The following TMEM94 variants were observed in gnomAD, a reference collection of about 807,000 sequenced individuals.
TMEM94 encodes the protein ER Mg2+ ATPase.
Under a neutral mutation model 158.6 loss-of-function variants are expected in TMEM94, and 81 were observed. The ratio of observed to expected loss-of-function variants is 0.51; its 90% CI spans 0.43 to 0.61. The LOEUF (loss-of-function observed/expected upper bound fraction) is 0.61, where lower values mean the gene tolerates loss of function less well. Ranked by LOEUF, TMEM94 falls within the 20% of genes least tolerant of loss-of-function variation. The pLI is 0.00. For missense variants in TMEM94, 1,435 were observed against 1,762.0 expected (o/e 0.81, Z 3.32); for synonymous variants, 751 against 730.7 (o/e 1.03, Z -0.45).
At position 75,491,616 on chromosome 17, in the gene TMEM94, G is replaced by A; in HGVS notation, c.1387-75G>A. The A allele has an allele frequency of 1.3e-6, 2 of 1,562,528 alleles. No individual in the cohort carries two copies. Among genetic ancestry groups the A allele is most frequent in the South Asian group, 1.1e-5 (1 of 87,144 alleles). On this transcript the variant is annotated intron_variant, in intron 13 of 31. Transcript: ENST00000314256. This position sits in a 1 kb window ranked among gnomAD's most constrained non-coding sequence, Gnocchi z 5.1. ...AGGTGAGGTGAAGACAAGGCAGCCA[G>A]GGGACCTAGAAGCATCCTGCCTCCC...
intron 1 of TMEM94, among the ~76,000 whole-genome samples, chr17:75,461,093 CTTTTTTTTTTTTTT>C (rs59878082): frequency 1.4e-5 from 1 of 69,636 alleles, no homozygotes; most frequent in South Asian, 6.9e-4. Context: ...TTGCGATTGG[CTTTTTTTTTTTTTT>C]TTTTTTTTTG....
rs769447441 is a variant in TMEM94 at position 75,485,517 on chromosome 17, C to G, written c.114C>G (p.Leu38=). ...TGGAGGCAGTGCTGGAAGGACATCT[C>G]AGGGAGCGGAAGAAGTGTCTGACGT... is the stretch of plus-strand genomic sequence containing the variant. ...EQLEAVLEGH[L]RERKKCLTWK... The change falls in exon 3 of 32, where the codon CTC becomes CTG. Residue 38 remains leucine (L), a synonymous_variant. Transcript: ENST00000314256. The surrounding 1 kb of genome is among the most constrained non-coding windows in gnomAD (Gnocchi z 5.5). 1 of 1,614,176 alleles carries G rather than the reference C, an allele frequency of 6.2e-7. No homozygotes were observed. The highest frequency in any genetic ancestry group is 8.5e-7 in the Non-Finnish European group (1 of 1,180,018).
intron 1 of TMEM94, among the ~76,000 whole-genome samples, chr17:75,462,018 T>TTC (rs2050096205): frequency 7.8e-6 from 1 of 128,934 alleles, no homozygotes; most frequent in East Asian, 2.1e-4. Flanking sequence ...TTTGTTTTTT[T>TTC]TTTTTTTGAG....
intron 1 of TMEM94, among the ~76,000 whole-genome samples, chr17:75,465,679 A>ATATATATATATATATATATTTTTT (rs1247855961): frequency 2.4e-5 from 3 of 124,816 alleles, no homozygotes; most frequent in African/African-American, 3.5e-5. Flanking sequence ...ATATATATAT[A>ATATATATATATATATATATTTTTT]TTTTTTTTTA....
rs923662901 is a variant in TMEM94 at position 75,495,789 on chromosome 17, T to C, written c.2944+146T>C. ...CTGGGCTGGGATCAGCTGGGGAATC[T>C]TGTGGGTTGGAGTCAGAAGTGCCGA... On this transcript the variant is annotated intron_variant, in intron 22 of 31. Transcript: ENST00000314256. This position sits in a 1 kb window ranked among gnomAD's most constrained non-coding sequence, Gnocchi z 5.6. 2.6e-5 allele frequency: 23 copies of C among 883,842 alleles called. No homozygotes were observed. In the African/African-American group the frequency reaches 3.5e-4, roughly 14 times the overall value. The allele number at this position is 883,842 out of a possible 1,614,324, so 54.7% of individuals were successfully genotyped here.
Position 75,490,366 on chromosome 17 carries a change from G to T in TMEM94, c.1071+16G>T, listed in dbSNP as rs1317424872. 5.0e-6 allele frequency: 8 copies of T among 1,609,024 alleles called. No homozygotes were observed. In the African/African-American group the frequency reaches 9.4e-5, roughly 19 times the overall value. On this transcript the variant is annotated intron_variant, in intron 10 of 31. Transcript: ENST00000314256. The stretch of plus-strand genomic sequence containing the variant: ...CAGCTCCCTGGTAGGTTTTTCCAAG[G>T]TGTCTGGGGGAAGTCACAGGAACAA...
Position 75,487,878 on chromosome 17 carries a change from T to G in TMEM94, c.410-54T>G, listed in dbSNP as rs1489724034. 6.7e-7 allele frequency: 1 copy of G among 1,488,552 alleles called. No individual in the cohort carries two copies. The highest frequency in any genetic ancestry group is 9.3e-7 in the Non-Finnish European group (1 of 1,071,314). 92.2% of individuals were successfully genotyped at this position (1,488,552 alleles called of 1,614,324 possible). ...TTCCGGAAGTGCTGCTGTATCTGAC[T>G]GGGGGGCAGGGCCGTGGCTGAGAGG... On this transcript the variant is annotated intron_variant, in intron 5 of 31. Transcript: ENST00000314256. This position sits in a 1 kb window ranked among gnomAD's most constrained non-coding sequence, Gnocchi z 4.6.
Position 75,492,757 on chromosome 17 carries a change from C to T in TMEM94, c.1880C>T (p.Pro627Leu), listed in dbSNP as rs749748866. The change falls in exon 15 of 32, where the codon CCC (proline) becomes CTC (leucine). Residue 627 changes from proline to leucine, a missense_variant. This residue lies in a region of TMEM94 where 1,051 missense variants were observed against 1,254.4 expected (regional missense o/e 0.84). Transcript: ENST00000314256. The surrounding 1 kb of genome is among the most constrained non-coding windows in gnomAD (Gnocchi z 4.4). Reference protein sequence around the residue: ...SHSAVLPVHVPWGLCELARLI... With the variant: ...SHSAVLPVHVLWGLCELARLI... ...AGCGCCGTGCTGCCCGTCCATGTGC[C>T]CTGGGGCCTCTGCGAGCTTGCCCGC... The T allele has an allele frequency of 6.2e-7, 1 of 1,608,494 alleles. No homozygotes were observed. The highest frequency in any genetic ancestry group is 8.5e-7 in the Non-Finnish European group (1 of 1,179,736).
chr17:75,490,447 G>C, intron 10 of TMEM94, 97 bp downstream of exon 10: 1 of 1,404,642 alleles, frequency 7.1e-7, no homozygotes, highest in Non-Finnish European at 9.7e-7. Flanking sequence ...CCCACCTTGG[G>C]CTCGGCATGT....
chr17:75,492,619 C>T lies in TMEM94; in HGVS notation c.1742C>T (p.Ser581Phe), dbSNP rs527931487. ...DDSNWQLHLT[S>F]LKPLGLNVLL... is the part of the protein sequence containing the mutation. ...TCCAACTGGCAGCTGCACCTCACCT[C>T]CCTCAAACCCCTGGGCCTCAATGTG... Residue 581 changes from serine (S) to phenylalanine (F), a missense_variant, in exon 15 of 32, where the codon TCC becomes TTC. By Grantham distance (155) the Ser-to-Phe change is radical. Transcript: ENST00000314256. This position sits in a 1 kb window ranked among gnomAD's most constrained non-coding sequence, Gnocchi z 4.4. 3 of 1,614,096 alleles carry T rather than the reference C, an allele frequency of 1.9e-6. No individual in the cohort carries two copies. The highest frequency in any genetic ancestry group is 2.5e-6 in the Non-Finnish European group (3 of 1,180,018).
rs1281403829 is a variant in TMEM94, at chr17:75,493,482, C to T, written c.2087-9C>T. The T allele has an allele frequency of 1.2e-6, 2 of 1,613,358 alleles. No individual in the cohort carries two copies. The highest frequency in any genetic ancestry group is 1.7e-5 in the Admixed American group (1 of 60,028). ...TAGCGACACTCAGGGTTTGAACTCT[C>T]TCCCCCAGGCACAGAGCAGATGCTG... On this transcript the variant is annotated splice_polypyrimidine_tract_variant and intron_variant, in intron 16 of 31. Coordinates refer to ENST00000314256, the MANE Select transcript of TMEM94 (RefSeq NM_014738.6).
intron 1 of TMEM94, among the ~76,000 whole-genome samples, chr17:75,470,692 G>A (rs910943366): frequency 2.7e-5 from 4 of 150,874 alleles, no homozygotes; most frequent in African/African-American, 4.9e-5. Flanking sequence ...GCGACAGAGC[G>A]AGACTCTGTC....
intron 18 of TMEM94, among the ~76,000 whole-genome samples, chr17:75,494,144 G>T (rs769510249): frequency 6.6e-6 from 1 of 152,204 alleles, no homozygotes; most frequent in Non-Finnish European, 1.5e-5. Context: ...TCACTGGTTG[G>T]TTGTGATGCT....
intron 1 of TMEM94, among the ~76,000 whole-genome samples, chr17:75,457,055 C>T (rs994257001): frequency 6.6e-6 from 1 of 152,188 alleles, no homozygotes; most frequent in Non-Finnish European, 1.5e-5. Flanking sequence ...TCTGTCGTGC[C>T]TAGGCCCTGG....
chr17:75,497,139 G>T lies in TMEM94; in HGVS notation c.3348G>T (p.Pro1116=). The T allele has an allele frequency of 1.2e-6, 2 of 1,613,984 alleles. No individual in the cohort carries two copies. Among genetic ancestry groups the T allele is most frequent in the Non-Finnish European group, 1.7e-6 (2 of 1,179,982 alleles). Residue 1116 remains proline (P), a synonymous_variant, in exon 26 of 32, where the codon CCG becomes CCT. Coordinates refer to ENST00000314256, the MANE Select transcript of TMEM94 (RefSeq NM_014738.6). ...TCCTTTCTTGCCTGGTCCAGCTGCCGCCACTCCTGAGTACCACCGACATCC... is the reference window on the plus strand; with the variant it reads ...TCCTTTCTTGCCTGGTCCAGCTGCCTCCACTCCTGAGTACCACCGACATCC... ...IQFLSCLVQL[P]PLLSTTDILW... is the part of the protein sequence containing the mutation.
rs763301787 is a variant in TMEM94 at position 75,493,521 on chromosome 17, C to G, written c.2117C>G (p.Ala706Gly). The G allele has an allele frequency of 2.5e-6, 4 of 1,613,920 alleles. No homozygotes were observed. Among genetic ancestry groups the G allele is most frequent in the Admixed American group, 1.7e-5 (1 of 60,002 alleles). The change falls in exon 17 of 32, where the codon GCT becomes GGT. Residue 706 changes from alanine (A) to glycine (G), a missense_variant. Transcript: ENST00000314256. ...STEQMLSHGT[A>G]DVVLEACTDF... Reference sequence around the variant, plus strand: ...GAGCAGATGCTGTCCCATGGCACCGCTGATGTGGTCTTAGAGGCCTGCACA... The same window carrying G: ...GAGCAGATGCTGTCCCATGGCACCGGTGATGTGGTCTTAGAGGCCTGCACA...
chr17:75,495,037 A>G lies in TMEM94; in HGVS notation c.2728+3A>G. 6.2e-7 allele frequency: 1 copy of G among 1,612,430 alleles called. No individual in the cohort carries two copies. Among genetic ancestry groups the G allele is most frequent in the Non-Finnish European group, 8.5e-7 (1 of 1,179,660 alleles). Reference sequence around the variant, plus strand: ...CCTGCATGATGACCTGAATCAGGGTAAGGGCAAAGGCGTGGGGTGGGGACG... The same window carrying G: ...CCTGCATGATGACCTGAATCAGGGTGAGGGCAAAGGCGTGGGGTGGGGACG... On this transcript the variant is annotated splice_donor_region_variant and intron_variant, in intron 20 of 31. Transcript: ENST00000314256. The surrounding 1 kb of genome is among the most constrained non-coding windows in gnomAD (Gnocchi z 5.6).
chr17:75,495,875 G>A lies in TMEM94; in HGVS notation c.2945-91G>A, dbSNP rs1026459130. ...TTCAAAGAGGGGCCCACCTCCCATC[G>A]CCTCCTGCTCTCCTGTCCCATGGGT... On this transcript the variant is annotated intron_variant, in intron 22 of 31. Coordinates refer to ENST00000314256, the MANE Select transcript of TMEM94 (RefSeq NM_014738.6). This position sits in a 1 kb window ranked among gnomAD's most constrained non-coding sequence, Gnocchi z 5.6. 13 of 970,066 alleles carry A rather than the reference G, an allele frequency of 1.3e-5. No individual in the cohort carries two copies. Among genetic ancestry groups the A allele is most frequent in the African/African-American group, 1.6e-5 (1 of 61,740 alleles). The allele number at this position is 970,066 out of a possible 1,614,324, so 60.1% of individuals were successfully genotyped here.
rs2052188115 is a variant in TMEM94 at position 75,491,550 on chromosome 17, G to C, written c.1386+95G>C. 3 of 1,590,080 alleles carry C rather than the reference G, an allele frequency of 1.9e-6. No individual in the cohort carries two copies. The highest frequency in any genetic ancestry group is 2.6e-6 in the Non-Finnish European group (3 of 1,162,994). On this transcript the variant is annotated intron_variant, in intron 13 of 31. Coordinates refer to ENST00000314256, the MANE Select transcript of TMEM94 (RefSeq NM_014738.6). The surrounding 1 kb of genome is among the most constrained non-coding windows in gnomAD (Gnocchi z 5.1). ...GCCAGGGAGGGTGAGGTTTCGGAGGGCGAAGGAGGGTTTGGGCACCATTAG... is the reference window on the plus strand; with the variant it reads ...GCCAGGGAGGGTGAGGTTTCGGAGGCCGAAGGAGGGTTTGGGCACCATTAG...
Sources: allele counts gnomAD v4.1 joint callset (sites outside exome capture counted in the v4.1 genomes callset), GRCh38; gene constraint gnomAD v4.1.1; regional missense constraint gnomAD v4.1.1; non-coding constraint Gnocchi (gnomAD v3.1); transcripts MANE v1.5; gene names NCBI Gene and HGNC (gene_info 2026-07-23, HGNC 2026-07-21).